AGAP1: variants seen among roughly 807,000 people sequenced by gnomAD.
AGAP1 encodes the protein arf-GAP with GTPase, ANK repeat and PH domain-containing protein 1.
AGAP1 carries 29 observed loss-of-function variants against 105.3 expected under a neutral mutation model. The observed-to-expected ratio is 0.28, with a 90% confidence interval of 0.21 to 0.38. AGAP1 has a LOEUF of 0.38. AGAP1 is among the 10% of genes least tolerant of loss of function. AGAP1 has a pLI of 1.00. For synonymous variants in AGAP1, 509 were observed against 485.9 expected, an observed-to-expected ratio of 1.05 and a Z score of -0.63; for missense variants, 998 against 1,165.1, an observed-to-expected ratio of 0.86 and a Z score of 2.09.
rs2057108646 is a variant in AGAP1 at position 236,027,987 on chromosome 2, A to G, written c.1646-8574A>G. 1.3e-5 allele frequency among the ~76,000 whole-genome samples: 2 copies of G among 152,228 alleles called. No individual in the cohort carries two copies. The highest frequency in any genetic ancestry group is 1.9e-4 in the East Asian group (1 of 5,172). On this transcript the variant is annotated intron_variant, in intron 13 of 17. Coordinates refer to ENST00000304032, the MANE Select transcript of AGAP1 (RefSeq NM_001037131.3). The surrounding 1 kb of genome is among the most constrained non-coding windows in gnomAD (Gnocchi z 4.4). ...GTGTCTTTATTTCTTCATTATTTGT[A>G]TAGTCCTGTGCTTTTCCAGGTTTAG...
At chr2:235,768,196 T>C (rs935311798) in intron 6 of AGAP1, among the ~76,000 whole-genome samples, 2 of 152,246 alleles carry the variant, frequency 1.3e-5, no homozygotes, top group African/African-American at 4.8e-5. Flanking sequence ...TTTTCACCCT[T>C]TATTTTCTCT....
intron 6 of AGAP1, among the ~76,000 whole-genome samples, chr2:235,760,191 G>T (rs547044220): frequency 1.2e-4 from 19 of 152,282 alleles, no homozygotes; most frequent in African/African-American, 4.6e-4. Flanking sequence ...GACCAGCCTG[G>T]CCAACATGCC....
intron 16 of AGAP1, among the ~76,000 whole-genome samples, chr2:236,117,280 G>T (rs557232159): frequency 1.3e-5 from 2 of 152,190 alleles, no homozygotes; most frequent in South Asian, 2.1e-4. Flanking sequence ...TAGATTTTTT[G>T]ATTATGGCCA....
rs990718735 is a variant in AGAP1 at position 235,842,686 on chromosome 2, T to C, written c.1050+35355T>C. 3.9e-5 allele frequency among the ~76,000 whole-genome samples: 6 copies of C among 152,212 alleles called. No homozygotes were observed. Among genetic ancestry groups the C allele is most frequent in the African/African-American group, 1.4e-4 (6 of 41,460 alleles). ...TGAGTTTCTTACCCTATGAATTCTATAAACTGAAGTTTTCATCCCATGTGT... is the reference window on the plus strand; with the variant it reads ...TGAGTTTCTTACCCTATGAATTCTACAAACTGAAGTTTTCATCCCATGTGT... On this transcript the variant is annotated intron_variant, in intron 9 of 17. Coordinates refer to ENST00000304032, the MANE Select transcript of AGAP1 (RefSeq NM_001037131.3). This position sits in a 1 kb window ranked among gnomAD's most constrained non-coding sequence, Gnocchi z 5.3.
rs1020712215 is a variant in AGAP1, at chr2:235,893,902, A to G, written c.1155+10453A>G. The stretch of plus-strand genomic sequence containing the variant: ...CTGGCTGTGCTCTACAGATTGTGGT[A>G]TGATTGAGACTAACAGTACTCACCA... On this transcript the variant is annotated intron_variant, in intron 10 of 17. Transcript: ENST00000304032. This position sits in a 1 kb window ranked among gnomAD's most constrained non-coding sequence, Gnocchi z 4.7. Among the ~76,000 whole-genome samples, 1 of 152,114 alleles carries G rather than the reference A, an allele frequency of 6.6e-6. No individual in the cohort carries two copies. The highest frequency in any genetic ancestry group is 1.5e-5 in the Non-Finnish European group (1 of 68,012).
intron 13 of AGAP1, among the ~76,000 whole-genome samples, chr2:235,987,809 G>A (rs919376275): frequency 6.6e-6 from 1 of 152,134 alleles, no homozygotes; most frequent in Non-Finnish European, 1.5e-5. Context: ...CCATGTAACT[G>A]TGTGAGAACC....
intron 6 of AGAP1, among the ~76,000 whole-genome samples, chr2:235,794,538 C>A (rs1245316592): frequency 4.6e-5 from 7 of 152,164 alleles, no homozygotes; most frequent in Non-Finnish European, 1.0e-4. Context: ...GTGGCATGAT[C>A]TTGGCTCACT....
chr2:235,741,087 C>G lies in AGAP1; in HGVS notation c.396+39C>G. The G allele has an allele frequency of 6.7e-7, 1 of 1,489,060 alleles. No homozygotes were observed. The highest frequency in any genetic ancestry group is 9.1e-7 in the Non-Finnish European group (1 of 1,102,144). 92.2% of individuals were successfully genotyped at this position (1,489,060 alleles called of 1,614,324 possible). A position where few individuals can be genotyped will look rare whatever the true frequency, so the allele number is the denominator to read the frequency against. On this transcript the variant is annotated intron_variant, in intron 4 of 17. Coordinates refer to ENST00000304032, the MANE Select transcript of AGAP1 (RefSeq NM_001037131.3). The surrounding 1 kb of genome is among the most constrained non-coding windows in gnomAD (Gnocchi z 4.9). ...CATGCCCCAAGCCTGCTTTTTTTCC[C>G]TTTGTTTTCTAAGGTTTGATTCAAG...
In AGAP1 at chr2:235,600,286, T is replaced by G. The variant is rs1945685097; in HGVS notation, c.163+105437T>G. ...ATCAGTGTGCCTGCTTCCAGGGGGC[T>G]GCTCCTAAGGGAGGTGCTGGCACTA... is the stretch of plus-strand genomic sequence containing the variant. On this transcript the variant is annotated intron_variant, in intron 1 of 17. Coordinates refer to ENST00000304032, the MANE Select transcript of AGAP1 (RefSeq NM_001037131.3). The surrounding 1 kb of genome is among the most constrained non-coding windows in gnomAD (Gnocchi z 4.8). Among the ~76,000 whole-genome samples, 1 of 152,152 alleles carries G rather than the reference T, an allele frequency of 6.6e-6. No homozygotes were observed. Among genetic ancestry groups the G allele is most frequent in the African/African-American group, 2.4e-5 (1 of 41,424 alleles).
chr2:235,704,302 G>A (rs1020412877), intron 1 of AGAP1, among the ~76,000 whole-genome samples: 1 of 152,216 alleles, frequency 6.6e-6, no homozygotes, highest in Non-Finnish European at 1.5e-5. Context: ...TTGAAAAATT[G>A]AAGATGAAGA....
At chr2:235,813,608 C>A (rs563588518) in intron 9 of AGAP1, among the ~76,000 whole-genome samples, 2 of 152,220 alleles carry the variant, frequency 1.3e-5, no homozygotes, top group Non-Finnish European at 2.9e-5. Context: ...AGCATGGGCT[C>A]CGATCCCACA....
chr2:235,943,361 A>T (rs1377312149), intron 12 of AGAP1, among the ~76,000 whole-genome samples: 2 of 71,858 alleles, frequency 2.8e-5, no homozygotes, highest in Non-Finnish European at 5.0e-5. Context: ...TAAAGGACTT[A>T]ATTTTTTTTT....
chr2:236,125,478 A>G lies in AGAP1; in HGVS notation c.*1356A>G, dbSNP rs968031203. On this transcript the variant is annotated 3_prime_UTR_variant, in exon 18 of 18. Coordinates refer to ENST00000304032, the MANE Select transcript of AGAP1 (RefSeq NM_001037131.3). This position sits in a 1 kb window ranked among gnomAD's most constrained non-coding sequence, Gnocchi z 5.2. The stretch of plus-strand genomic sequence containing the variant: ...TTGCTTATTAAAATTGAGAAAGAAA[A>G]AAAAAGACACACTGGAGTATATTAG... The G allele has an allele frequency of 7.2e-5, 11 of 152,244 alleles. No individual in the cohort carries two copies. Among genetic ancestry groups the G allele is most frequent in the Admixed American group, 2.0e-4 (3 of 15,284 alleles). 9.4% of individuals were successfully genotyped at this position (152,244 alleles called of 1,614,324 possible).
chr2:235,776,099 C>T (rs1955838562), intron 6 of AGAP1, among the ~76,000 whole-genome samples: 1 of 152,140 alleles, frequency 6.6e-6, no homozygotes, highest in Non-Finnish European at 1.5e-5. Flanking sequence ...CGTGACCCTC[C>T]CTCTTAAGAA....
intron 11 of AGAP1, among the ~76,000 whole-genome samples, chr2:235,914,199 C>T (rs2051761870): frequency 6.6e-6 from 1 of 152,182 alleles, no homozygotes; most frequent in South Asian, 2.1e-4. Flanking sequence ...AGCACACAGT[C>T]ATAATGCATT....
In AGAP1 at chr2:235,747,234, C is replaced by T. The variant is rs1333963234; in HGVS notation, c.538+2395C>T. 6.6e-6 allele frequency among the ~76,000 whole-genome samples: 1 copy of T among 152,104 alleles called. No individual in the cohort carries two copies. The highest frequency in any genetic ancestry group is 1.5e-5 in the Non-Finnish European group (1 of 68,018). Reference sequence around the variant, plus strand: ...TGCCTGAGCCAAGGGGCACATCGAGCCTCCTGCCAGGGTGGCTGCTTAGAT... The same window carrying T: ...TGCCTGAGCCAAGGGGCACATCGAGTCTCCTGCCAGGGTGGCTGCTTAGAT... On this transcript the variant is annotated intron_variant, in intron 5 of 17. Coordinates refer to ENST00000304032, the MANE Select transcript of AGAP1 (RefSeq NM_001037131.3). This position sits in a 1 kb window ranked among gnomAD's most constrained non-coding sequence, Gnocchi z 5.0.
intron 1 of AGAP1, among the ~76,000 whole-genome samples, chr2:235,696,555 C>T (rs530443347): frequency 2.6e-5 from 4 of 152,236 alleles, no homozygotes; most frequent in Admixed American, 1.3e-4. Flanking sequence ...AGAGATGGTC[C>T]GTGTGGGTCA....
chr2:235,591,612 C>T (rs1327872385), intron 1 of AGAP1, among the ~76,000 whole-genome samples: 1 of 152,126 alleles, frequency 6.6e-6, no homozygotes, highest in East Asian at 1.9e-4. Flanking sequence ...ATGATTTTCT[C>T]CTCCAAATCT....
chr2:235,947,768 G>A lies in AGAP1; in HGVS notation c.1483+16845G>A, dbSNP rs577707961. On this transcript the variant is annotated intron_variant, in intron 12 of 17. Transcript: ENST00000304032. The stretch of plus-strand genomic sequence containing the variant: ...GAGTGAATTTTCCAGGTATCAGGTG[G>A]TAGAATGAGCAGTTGAACGTTACTG... 7.9e-5 allele frequency among the ~76,000 whole-genome samples: 12 copies of A among 152,322 alleles called. No homozygotes were observed. The East Asian group carries it at 2.3e-3, about 29-fold the overall frequency.
Sources: allele counts gnomAD v4.1 joint callset (sites outside exome capture counted in the v4.1 genomes callset), GRCh38; gene constraint gnomAD v4.1.1; non-coding constraint Gnocchi (gnomAD v3.1); transcripts MANE v1.5; gene names NCBI Gene and HGNC (gene_info 2026-07-23, HGNC 2026-07-21).